Variants in GALNT10 observed in about 807,000 individuals in gnomAD.
GALNT10 encodes polypeptide N-acetylgalactosaminyltransferase 10.
GALNT10 carries 41 observed loss-of-function variants against 75.0 expected under a neutral mutation model. That is an observed-to-expected ratio of 0.55 (90% confidence interval 0.43 to 0.71). The LOEUF (loss-of-function observed/expected upper bound fraction) is 0.71, where lower values mean the gene tolerates loss of function less well. Ranked by LOEUF, GALNT10 falls within the 30% of genes least tolerant of loss-of-function variation. The pLI, the probability that GALNT10 is intolerant of heterozygous loss-of-function variation, is 0.00. For missense variants in GALNT10, 727 were observed against 818.5 expected (o/e 0.89, Z 1.36); for synonymous variants, 302 against 313.0 (o/e 0.96, Z 0.37).
intron 1 of GALNT10, chr5:154,220,019 C>T (rs1752955169): frequency 2.0e-5 from 3 of 152,316 alleles, no homozygotes; most frequent in Middle Eastern, 6.8e-3. Flanking sequence ...CAGATCTGAT[C>T]TGGCGAATCT....
At chr5:154,327,124 T>G (rs1001040781) in intron 3 of GALNT10, among the ~76,000 whole-genome samples, 28 of 151,976 alleles carry the variant, frequency 1.8e-4, no homozygotes, top group African/African-American at 6.5e-4. Flanking sequence ...GAGGCTGAGG[T>G]GGGATGGCAT....
Position 154,420,663 on chromosome 5 carries a change from T to C in GALNT10, c.*3691T>C, listed in dbSNP as rs1338899859. The stretch of plus-strand genomic sequence containing the variant: ...AACTTGATCTTGAGCCAAGGCCCAC[T>C]GCCACCTCTGGGATGGGAGTCGGAC... On this transcript the variant is annotated 3_prime_UTR_variant, in exon 12 of 12. Coordinates refer to ENST00000297107, the MANE Select transcript of GALNT10 (RefSeq NM_198321.4). The C allele has an allele frequency of 6.6e-6, 1 of 152,234 alleles. No individual in the cohort carries two copies. Among genetic ancestry groups the C allele is most frequent in the East Asian group, 1.9e-4 (1 of 5,200 alleles). The allele number at this position is 152,234 out of a possible 1,614,324, so 9.4% of individuals were successfully genotyped here.
At chr5:154,411,502 G>A (rs554492240) in intron 9 of GALNT10, among the ~76,000 whole-genome samples, 10 of 152,358 alleles carry the variant, frequency 6.6e-5, no homozygotes, top group African/African-American at 1.9e-4. Flanking sequence ...GCCACAGGGC[G>A]CGTGAGGAGC....
At chr5:154,382,837 A>G (rs1755753390) in intron 6 of GALNT10, among the ~76,000 whole-genome samples, 1 of 152,242 alleles carries the variant, frequency 6.6e-6, no homozygotes. Context: ...AGGAAAGGCT[A>G]AGACCAGGTC....
chr5:154,388,567 C>T (rs146173415), intron 7 of GALNT10: 47 of 152,284 alleles, frequency 3.1e-4, no homozygotes, highest in African/African-American at 1.1e-3. Context: ...GGCCCAAACG[C>T]AGGTCTGCTT....
At chr5:154,258,482 C>A (rs1399912417) in intron 1 of GALNT10, among the ~76,000 whole-genome samples, 1 of 152,154 alleles carries the variant, frequency 6.6e-6, no homozygotes, top group African/African-American at 2.4e-5. Flanking sequence ...AAAATAAGTT[C>A]AAGGCTGTGT....
rs73281575 is a variant in GALNT10 at position 154,332,685 on chromosome 5, C to T, written c.568+2947C>T. On this transcript the variant is annotated intron_variant, in intron 4 of 11. Transcript: ENST00000297107. ...GGAGGGAGGAAATGTATGGCAGCTA[C>T]CCATGCATACAGAAAACCATCACCA... Among the ~76,000 whole-genome samples the T allele has an allele frequency of 9.3e-3, 1,419 of 152,226 alleles. 18 individuals are homozygous for T. Among genetic ancestry groups the T allele is most frequent in the African/African-American group, 0.033 (1,375 of 41,520 alleles).
intron 4 of GALNT10, among the ~76,000 whole-genome samples, chr5:154,371,545 T>TGTGTGTGTGTACACACACACACACCACA (rs1561674354): frequency 7.3e-5 from 4 of 55,088 alleles, no homozygotes; most frequent in African/African-American, 2.1e-4. Context: ...ACAGTGTGTG[T>TGTGTGTGTGTACACACACACACACCACA]GTGTGTGTGT....
At chr5:154,410,392 A>AAAAAAAAG (rs1756374112) in intron 9 of GALNT10, among the ~76,000 whole-genome samples, 1 of 151,478 alleles carries the variant, frequency 6.6e-6, no homozygotes. Flanking sequence ...AAAAAAAAAA[A>AAAAAAAAG]AAAGAAAAAA....
chr5:154,223,142 T>C (rs1373571932), intron 1 of GALNT10, among the ~76,000 whole-genome samples: 2 of 152,146 alleles, frequency 1.3e-5, no homozygotes, highest in Admixed American at 1.3e-4. Flanking sequence ...GAAGGAAAGG[T>C]ACAGACATAA....
intron 1 of GALNT10, among the ~76,000 whole-genome samples, chr5:154,279,869 T>G (rs574039147): frequency 6.6e-6 from 1 of 152,286 alleles, no homozygotes; most frequent in African/African-American, 2.4e-5. Flanking sequence ...GTATGGAAGT[T>G]CCTCAGAAAG....
chr5:154,233,441 G>C (rs769130765), intron 1 of GALNT10, among the ~76,000 whole-genome samples: 1 of 152,188 alleles, frequency 6.6e-6, no homozygotes, highest in African/African-American at 2.4e-5. Flanking sequence ...AAAAGAAAAT[G>C]GTCTCATTGT....
intron 3 of GALNT10, among the ~76,000 whole-genome samples, chr5:154,306,619 TAGAAAA>T (rs1418667583): frequency 6.6e-6 from 1 of 151,036 alleles, no homozygotes; most frequent in Non-Finnish European, 1.5e-5. Flanking sequence ...TTTCAGAAAC[TAGAAAA>T]AGAAGAGCAA....
At chr5:154,386,221 C>A in intron 6 of GALNT10, 92 bp from the exon 7 acceptor site, 1 of 895,688 alleles carries the variant, frequency 1.1e-6, no homozygotes, top group Non-Finnish European at 1.8e-6. Flanking sequence ...CAGCATGGAA[C>A]ACCGCCGCTG....
At chr5:154,312,965 T>G (rs1191684008) in intron 3 of GALNT10, among the ~76,000 whole-genome samples, 1 of 152,204 alleles carries the variant, frequency 6.6e-6, no homozygotes, top group Non-Finnish European at 1.5e-5. Context: ...GCCAAAAATT[T>G]TATCATGTGG....
intron 3 of GALNT10, among the ~76,000 whole-genome samples, chr5:154,311,894 G>A (rs1754524982): frequency 6.6e-6 from 1 of 152,124 alleles, no homozygotes; most frequent in African/African-American, 2.4e-5. Flanking sequence ...TTACAGGCAT[G>A]AGCCACCGTA....
At chr5:154,241,282 G>A (rs1231699857) in intron 1 of GALNT10, among the ~76,000 whole-genome samples, 2 of 152,176 alleles carry the variant, frequency 1.3e-5, no homozygotes, top group African/African-American at 4.8e-5. Context: ...GGGCAGAGCT[G>A]TGGGATTAGC....
chr5:154,242,745 G>A (rs1335995418), intron 1 of GALNT10, among the ~76,000 whole-genome samples: 3 of 152,080 alleles, frequency 2.0e-5, no homozygotes, highest in Non-Finnish European at 4.4e-5. Flanking sequence ...AGTGTCTGAG[G>A]TTATTCTAGC....
intron 1 of GALNT10, among the ~76,000 whole-genome samples, chr5:154,250,092 G>A (rs771009263): frequency 2.6e-5 from 4 of 152,142 alleles, no homozygotes; most frequent in Non-Finnish European, 5.9e-5. Context: ...CGTTCCCGGG[G>A]ATCAACTCCT....
Sources: allele counts gnomAD v4.1 joint callset (sites outside exome capture counted in the v4.1 genomes callset), GRCh38; gene constraint gnomAD v4.1.1; transcripts MANE v1.5; gene names NCBI Gene and HGNC (gene_info 2026-07-23, HGNC 2026-07-21).